OSBPL10: variants seen among roughly 807,000 people sequenced by gnomAD.
OSBPL10 encodes the protein oxysterol-binding protein-related protein 10.
In OSBPL10, 49 loss-of-function variants were observed where a neutral mutation model predicts 81.7. That is an observed-to-expected ratio of 0.60 (90% CI 0.48 to 0.76). OSBPL10 has a LOEUF of 0.76. Among genes scored for constraint, OSBPL10 ranks in the 30% least tolerant of loss-of-function variants. The probability of loss-of-function intolerance (pLI) is 0.00; values close to 1 mark genes in which losing one functional copy is unlikely to be tolerated. For synonymous variants in OSBPL10, 419 were observed against 383.6 expected (o/e 1.09, Z -1.08); for missense variants, 923 against 987.8 (o/e 0.93, Z 0.88).
intron 4 of OSBPL10, among the ~76,000 whole-genome samples, chr3:31,778,350 C>A (rs1698602211): frequency 6.6e-6 from 1 of 152,130 alleles, no homozygotes; most frequent in Non-Finnish European, 1.5e-5. Flanking sequence ...GTGGCAAGCC[C>A]TGCCCAAGGA....
chr3:31,836,307 G>A (rs970837767), intron 3 of OSBPL10, among the ~76,000 whole-genome samples: 4 of 152,164 alleles, frequency 2.6e-5, no homozygotes, highest in African/African-American at 7.2e-5. Context: ...GCATGCAAAT[G>A]TGTGTGCAAA....
At chr3:32,041,240 G>A (rs1047700082) in intron 2 of OSBPL10, among the ~76,000 whole-genome samples, 8 of 152,176 alleles carry the variant, frequency 5.3e-5, no homozygotes, top group African/African-American at 1.9e-4. Flanking sequence ...AAGTTCCCAC[G>A]CCCTGATGGA....
At chr3:31,951,476 T>C (rs1697868121) in intron 1 of OSBPL10, among the ~76,000 whole-genome samples, 1 of 152,030 alleles carries the variant, frequency 6.6e-6, no homozygotes, top group African/African-American at 2.4e-5. Context: ...GAGGAAAGGA[T>C]TGAGTTGAAG....
intron 1 of OSBPL10, among the ~76,000 whole-genome samples, chr3:32,067,783 T>C (rs11713273): frequency 0.83 from 126,695 of 151,758 alleles, 54,394 homozygotes; most frequent in East Asian, 1. Flanking sequence ...CCACCTATCC[T>C]GAAACGTATG....
chr3:31,799,378 T>TA (rs1559470518), intron 4 of OSBPL10, among the ~76,000 whole-genome samples: 382 of 26,936 alleles, frequency 0.014, 10 homozygotes, highest in African/African-American at 0.033. Context: ...CCCTATCTCT[T>TA]TAAAAAAAAA....
chr3:31,698,142 C>T (rs1695785819), intron 7 of OSBPL10, among the ~76,000 whole-genome samples: 1 of 151,370 alleles, frequency 6.6e-6, no homozygotes, highest in African/African-American at 2.4e-5. Context: ...ACAGCAGAGT[C>T]AAAATTACCC....
intron 7 of OSBPL10, among the ~76,000 whole-genome samples, chr3:31,694,710 ATTATCTCAGCAAGCTCT>A (rs1335075399): frequency 6.6e-6 from 1 of 152,140 alleles, no homozygotes; most frequent in African/African-American, 2.4e-5. Context: ...CTCATAGAAA[ATTATCTCAGCAAGCTCT>A]TTCAAAGCAT....
chr3:31,789,458 A>T (rs1164084858), intron 4 of OSBPL10, among the ~76,000 whole-genome samples: 25 of 152,212 alleles, frequency 1.6e-4, no homozygotes, highest in Admixed American at 1.6e-3. Context: ...AACAAAGCTT[A>T]GAAGTCTAAA....
chr3:31,820,290 T>C (rs1423968460), intron 4 of OSBPL10, among the ~76,000 whole-genome samples: 1 of 152,090 alleles, frequency 6.6e-6, no homozygotes, highest in Non-Finnish European at 1.5e-5. Context: ...TATGGACTAA[T>C]GGGGATATTA....
chr3:31,733,598 T>C (rs547957254), intron 5 of OSBPL10, among the ~76,000 whole-genome samples, 187 bp from the exon 6 acceptor site: 15 of 151,168 alleles, frequency 9.9e-5, no homozygotes, highest in Admixed American at 4.0e-4. Flanking sequence ...AGTTTCTGTA[T>C]AATATCAAGA....
chr3:31,816,143 T>A (rs909319635), intron 4 of OSBPL10, among the ~76,000 whole-genome samples: 1 of 152,142 alleles, frequency 6.6e-6, no homozygotes, highest in Admixed American at 6.5e-5. Context: ...CAGGAGTGAC[T>A]CTTCCAGGGG....
At chr3:31,773,051 T>C (rs933515518) in intron 4 of OSBPL10, among the ~76,000 whole-genome samples, 2 of 152,032 alleles carry the variant, frequency 1.3e-5, no homozygotes, top group African/African-American at 4.8e-5. Context: ...CACTATGCTT[T>C]AAACAAACAA....
intron 6 of OSBPL10, among the ~76,000 whole-genome samples, chr3:31,721,994 A>G (rs539183206): frequency 2.0e-5 from 3 of 152,306 alleles, no homozygotes; most frequent in South Asian, 4.1e-4. Flanking sequence ...GGGGCTCCAG[A>G]GAGACATCAT....
chr3:32,054,486 T>C lies in OSBPL10; in HGVS notation n.186-7883A>G, dbSNP rs1172518959. 2.7e-5 allele frequency among the ~76,000 whole-genome samples: 4 copies of C among 150,814 alleles called. No individual in the cohort carries two copies. The East Asian group carries it at 5.8e-4, about 22-fold the overall frequency. On this transcript the variant is annotated intron_variant and non_coding_transcript_variant, in intron 1 of 3. Transcript: ENST00000479173. ...GTTATATTATTACATAAAATTGTTG[T>C]ATGCCACAGAAGTAACCAACATTTC...
chr3:31,937,414 T>C (rs933244180), intron 1 of OSBPL10, among the ~76,000 whole-genome samples: 2 of 152,178 alleles, frequency 1.3e-5, no homozygotes, highest in South Asian at 2.1e-4. Context: ...CGAGAAGGCA[T>C]AGCCAACTTG....
chr3:31,672,082 G>C (rs73066055), intron 8 of OSBPL10, among the ~76,000 whole-genome samples: 12 of 106,474 alleles, frequency 1.1e-4, no homozygotes, highest in Non-Finnish European at 1.9e-4. Flanking sequence ...GAGGTGGTTA[G>C]CGACCGGCAC....
At chr3:31,740,045 CT>C (rs33919556) in intron 5 of OSBPL10, among the ~76,000 whole-genome samples, 14,367 of 135,692 alleles carry the variant, frequency 0.11, 606 homozygotes, top group African/African-American at 0.12. Flanking sequence ...ATGAATAATA[CT>C]TTTTTTTTTT....
intron 1 of OSBPL10, among the ~76,000 whole-genome samples, chr3:31,902,351 C>T (rs1200047273): frequency 1.3e-5 from 2 of 150,806 alleles, no homozygotes; most frequent in Non-Finnish European, 2.9e-5. Context: ...CAACCTCTGC[C>T]TCCCTGGTTC....
chr3:31,989,724 A>T (rs745570159), intron 2 of OSBPL10: 2 of 1,614,102 alleles, frequency 1.2e-6, no homozygotes, highest in South Asian at 1.1e-5. Context: ...TCCATTCATC[A>T]TTACTCACAC....
Sources: gnomAD v4.1 joint callset for allele counts (sites outside exome capture counted in the v4.1 genomes callset) on GRCh38, gnomAD v4.1.1 for gene constraint, MANE v1.5 for transcripts, NCBI Gene and HGNC (gene_info 2026-07-23, HGNC 2026-07-21) for gene names.